Variants in MAP3K3 observed in about 807,000 individuals in gnomAD.
The protein encoded by MAP3K3 is mitogen-activated protein kinase kinase kinase 3.
MAP3K3 carries 12 observed loss-of-function variants against 80.9 expected under a neutral mutation model. The ratio of observed to expected loss-of-function variants is 0.15; its 90% CI spans 0.10 to 0.24. The LOEUF (loss-of-function observed/expected upper bound fraction) is 0.24. Ranked by LOEUF, MAP3K3 falls within the 10% of genes least tolerant of loss-of-function variation. MAP3K3 has a pLI of 1.00. For missense variants in MAP3K3, 596 were observed against 834.7 expected, an observed-to-expected ratio of 0.71 and a Z score of 3.52; for synonymous variants, 272 against 307.1, an observed-to-expected ratio of 0.89 and a Z score of 1.19.
At chr17:63,632,219 G>A (rs1004067746) in intron 1 of MAP3K3, among the ~76,000 whole-genome samples, 2 of 152,138 alleles carry the variant, frequency 1.3e-5, no homozygotes, top group African/African-American at 4.8e-5. Context: ...CAGGCATGGT[G>A]GCCCACACCT....
intron 6 of MAP3K3, among the ~76,000 whole-genome samples, chr17:63,668,752 T>C (rs1454417398): frequency 3.9e-5 from 6 of 152,208 alleles, no homozygotes; most frequent in African/African-American, 9.6e-5. Flanking sequence ...TGTGAAGTAG[T>C]TCCTGTTTAT....
chr17:63,690,530 C>T, intron 12 of MAP3K3, 118 bp downstream of exon 12: 1 of 1,144,984 alleles, frequency 8.7e-7, no homozygotes, highest in Non-Finnish European at 1.2e-6. Flanking sequence ...TCTTCCCAAA[C>T]TCCCTTTCTG....
intron 6 of MAP3K3, among the ~76,000 whole-genome samples, chr17:63,671,260 C>A (rs1473170508): frequency 1.4e-5 from 2 of 141,166 alleles, no homozygotes; most frequent in Non-Finnish European, 3.1e-5. Flanking sequence ...AAATTATTTT[C>A]TTTTTTTTTT....
At chr17:63,632,846 G>T in intron 2 of MAP3K3, 44 bp downstream of exon 2, 1 of 1,610,140 alleles carries the variant, frequency 6.2e-7, no homozygotes, top group Non-Finnish European at 8.5e-7. Flanking sequence ...TGTTGGGGAG[G>T]GGTTTTCAAA....
rs2035651907 is a variant in MAP3K3, at chr17:63,694,383, G to A, written c.*606G>A. On this transcript the variant is annotated 3_prime_UTR_variant, in exon 16 of 16. Transcript: ENST00000361733. The stretch of plus-strand genomic sequence containing the variant: ...TGTCATGCTGCCTTATTCAGGGAAG[G>A]AGGAGCCTGTCCTGCCTGTGGCCAT... 2 of 152,706 alleles carry A rather than the reference G, an allele frequency of 1.3e-5. No individual in the cohort carries two copies. Among genetic ancestry groups the A allele is most frequent in the Admixed American group, 1.3e-4 (2 of 15,288 alleles). The allele number at this position is 152,706 out of a possible 1,614,324, so 9.5% of individuals were successfully genotyped here.
intron 6 of MAP3K3, among the ~76,000 whole-genome samples, chr17:63,679,342 G>A (rs2035282977): frequency 6.6e-6 from 1 of 152,192 alleles, no homozygotes; most frequent in Non-Finnish European, 1.5e-5. Context: ...AGCTCCATCA[G>A]TCTGTCAGGC....
chr17:63,636,907 T>C (rs1365770097), intron 2 of MAP3K3: 5 of 486,062 alleles, frequency 1.0e-5, no homozygotes, highest in Non-Finnish European at 1.9e-5. Context: ...TATAGCCCAA[T>C]TGGAGGCCTG....
Position 63,691,011 on chromosome 17 carries a change from G to A in MAP3K3, c.1213-91G>A. ...ACTGCAGTTCCCAAGGCAGATCCCT[G>A]TGAGGCCACTAACTAGGGCAAGCTG... On this transcript the variant is annotated intron_variant, in intron 12 of 15. Coordinates refer to ENST00000361733, the MANE Select transcript of MAP3K3 (RefSeq NM_002401.5). This position sits in a 1 kb window ranked among gnomAD's most constrained non-coding sequence, Gnocchi z 4.8. The A allele has an allele frequency of 1.3e-6, 2 of 1,511,298 alleles. 1 individual carries two copies. Among genetic ancestry groups the A allele is most frequent in the African/African-American group, 2.7e-5 (2 of 73,058 alleles). 93.6% of individuals were successfully genotyped at this position (1,511,298 alleles called of 1,614,324 possible).
intron 2 of MAP3K3, chr17:63,634,861 G>C: frequency 7.3e-7 from 1 of 1,376,740 alleles, no homozygotes; most frequent in South Asian, 1.2e-5. Context: ...TACTCATGCT[G>C]CAACAGCAGA....
chr17:63,636,919 A>G (rs2034338042), intron 2 of MAP3K3: 1 of 514,334 alleles, frequency 1.9e-6, no homozygotes, highest in East Asian at 5.0e-5. Flanking sequence ...GGAGGCCTGT[A>G]TGCGCTTCAT....
At position 63,628,140 on chromosome 17, in the gene MAP3K3, A is replaced by G. The variant is rs149742937; in HGVS notation, c.5-4541A>G. 4.6e-4 allele frequency among the ~76,000 whole-genome samples: 70 copies of G among 151,826 alleles called. 1 individual carries two copies. The highest frequency in any genetic ancestry group is 1.7e-3 in the African/African-American group (69 of 41,422). On this transcript the variant is annotated intron_variant, in intron 1 of 15. Coordinates refer to ENST00000361733, the MANE Select transcript of MAP3K3 (RefSeq NM_002401.5). ...AGGCTGGTCTTGAACTCCTGACCTC[A>G]GGTGATCTGCCTGCCTCGGCCTCCC...
chr17:63,685,624 A>G, intron 8 of MAP3K3, 34 bp downstream of exon 8: 2 of 1,585,682 alleles, frequency 1.3e-6, no homozygotes, highest in South Asian at 2.2e-5. Flanking sequence ...AGGGTAATGC[A>G]TAGGCATTTT....
intron 1 of MAP3K3, among the ~76,000 whole-genome samples, chr17:63,626,443 C>T (rs749150693): frequency 2.6e-5 from 4 of 152,096 alleles, no homozygotes; most frequent in Non-Finnish European, 5.9e-5. Flanking sequence ...TTTCACTAAA[C>T]GTTAAAATGT....
At chr17:63,683,863 A>G (rs2035391589) in intron 7 of MAP3K3, among the ~76,000 whole-genome samples, 1 of 152,160 alleles carries the variant, frequency 6.6e-6, no homozygotes, top group Non-Finnish European at 1.5e-5. Flanking sequence ...TTTTCCAACA[A>G]AAATTATGTC....
intron 6 of MAP3K3, among the ~76,000 whole-genome samples, chr17:63,675,780 G>A (rs1327632538): frequency 6.6e-6 from 1 of 152,172 alleles, no homozygotes; most frequent in Non-Finnish European, 1.5e-5. Context: ...GGAATACCAG[G>A]GAAAGGTGTC....
At chr17:63,666,001 C>T (rs986277078) in intron 5 of MAP3K3, among the ~76,000 whole-genome samples, 48 of 152,114 alleles carry the variant, frequency 3.2e-4, no homozygotes, top group Non-Finnish European at 3.4e-4. Flanking sequence ...GCTCTCACCC[C>T]GACTCTCACC....
chr17:63,695,241 A>G lies in MAP3K3; in HGVS notation c.*1464A>G, dbSNP rs1290055763. On this transcript the variant is annotated 3_prime_UTR_variant, in exon 16 of 16. Coordinates refer to ENST00000361733, the MANE Select transcript of MAP3K3 (RefSeq NM_002401.5). The surrounding 1 kb of genome is among the most constrained non-coding windows in gnomAD (Gnocchi z 4.1). ...GTATGTTGACGATGCACTTTTATGAATGTAGTTTCTATCGCTGTTTTTAGC... is the reference window on the plus strand; with the variant it reads ...GTATGTTGACGATGCACTTTTATGAGTGTAGTTTCTATCGCTGTTTTTAGC... The G allele has an allele frequency of 6.6e-6, 1 of 152,632 alleles. No individual in the cohort carries two copies. The highest frequency in any genetic ancestry group is 1.5e-5 in the Non-Finnish European group (1 of 68,038). 9.5% of individuals were successfully genotyped at this position (152,632 alleles called of 1,614,324 possible). A position where few individuals can be genotyped will look rare whatever the true frequency, so the allele number is the denominator to read the frequency against.
intron 9 of MAP3K3, 35 bp downstream of exon 9, chr17:63,688,629 G>A (rs1263724954): frequency 6.3e-7 from 1 of 1,592,566 alleles, no homozygotes; most frequent in Non-Finnish European, 8.6e-7. Context: ...GTAATGCAGG[G>A]TGTCTGGGTG....
At chr17:63,630,532 G>T (rs989615884) in intron 1 of MAP3K3, among the ~76,000 whole-genome samples, 1 of 152,058 alleles carries the variant, frequency 6.6e-6, no homozygotes, top group Non-Finnish European at 1.5e-5. Context: ...TTGCCATGTT[G>T]CCCAGTCTGG....
Sources: gnomAD v4.1 joint callset for allele counts (sites outside exome capture counted in the v4.1 genomes callset) on GRCh38, gnomAD v4.1.1 for gene constraint, Gnocchi (gnomAD v3.1) non-coding constraint, MANE v1.5 for transcripts, NCBI Gene and HGNC (gene_info 2026-07-23, HGNC 2026-07-21) for gene names.